CNBD1: variants seen among roughly 807,000 people sequenced by gnomAD.
The protein encoded by CNBD1 is cyclic nucleotide binding domain containing 1.
In CNBD1, 71 loss-of-function variants were observed where a neutral mutation model predicts 54.4. That is an observed-to-expected ratio of 1.30 (90% CI 1.08 to 1.59). The LOEUF (loss-of-function observed/expected upper bound fraction) is 1.59. CNBD1 is among the 40% of genes most tolerant of loss of function. The probability of loss-of-function intolerance (pLI) is 0.00; values close to 1 mark genes in which losing one functional copy is unlikely to be tolerated. For synonymous variants in CNBD1, 182 were observed against 170.7 expected (o/e 1.07, Z -0.51); for missense variants, 659 against 518.0 (o/e 1.27, Z -2.64).
At position 87,007,305 on chromosome 8, in the gene CNBD1, A is replaced by G. The variant is rs868681668; in HGVS notation, c.431+67551A>G. Among the ~76,000 whole-genome samples the G allele has an allele frequency of 2.0e-5, 3 of 152,170 alleles. No homozygotes were observed. The Middle Eastern group carries it at 0.01, about 518-fold the overall frequency. On this transcript the variant is annotated intron_variant, in intron 4 of 10. Coordinates refer to ENST00000518476, the MANE Select transcript of CNBD1 (RefSeq NM_173538.3). The stretch of plus-strand genomic sequence containing the variant: ...TAGAGAATGCCAAAATATTAATCTC[A>G]TTGGAGATTTGATCCTCAACAAACT...
chr8:87,221,826 T>C (rs1814345874), intron 5 of CNBD1, among the ~76,000 whole-genome samples: 1 of 152,138 alleles, frequency 6.6e-6, no homozygotes, highest in Admixed American at 6.6e-5. Flanking sequence ...TATTTACGTA[T>C]TTGCTTTTTT....
At chr8:87,073,313 A>G (rs990066588) in intron 4 of CNBD1, among the ~76,000 whole-genome samples, 1 of 151,998 alleles carries the variant, frequency 6.6e-6, no homozygotes, top group Non-Finnish European at 1.5e-5. Flanking sequence ...CAATTCAGCC[A>G]TTTTAGCCTC....
intron 10 of CNBD1, among the ~76,000 whole-genome samples, chr8:87,373,843 A>C (rs1406065343): frequency 1.3e-5 from 2 of 151,862 alleles, no homozygotes. Context: ...CAATATTTTT[A>C]GATAGAACCC....
intron 8 of CNBD1, among the ~76,000 whole-genome samples, chr8:87,329,628 T>C (rs892286176): frequency 6.6e-6 from 1 of 152,122 alleles, no homozygotes; most frequent in Non-Finnish European, 1.5e-5. Context: ...GTTAGATTTG[T>C]AACTGTTTCA....
intron 6 of CNBD1, among the ~76,000 whole-genome samples, chr8:87,272,751 A>C (rs115723115): frequency 6.6e-6 from 1 of 152,024 alleles, no homozygotes; most frequent in Non-Finnish European, 1.5e-5. Context: ...TGTGGTGAGC[A>C]GTTGTGTATG....
At chr8:87,256,291 G>A (rs1046448782) in intron 6 of CNBD1, among the ~76,000 whole-genome samples, 1 of 151,326 alleles carries the variant, frequency 6.6e-6, no homozygotes, top group Admixed American at 6.6e-5. Flanking sequence ...CAGAGTGCTG[G>A]TATTACAGGT....
chr8:87,274,841 G>T (rs1261798921), intron 6 of CNBD1, among the ~76,000 whole-genome samples: 2 of 134,668 alleles, frequency 1.5e-5, no homozygotes, highest in Non-Finnish European at 3.2e-5. Context: ...TGAAGTCCTT[G>T]CCCATGCCTA....
rs34526743 is a variant in CNBD1, at chr8:86,871,969, A to G, written c.88+5386A>G. On this transcript the variant is annotated intron_variant, in intron 1 of 10. Transcript: ENST00000518476. ...TCCTGTAAGAAATCTCTCAATTACT[A>G]GAGTTAAAGTACTCAGCGTAGCTCA... 7.7e-3 allele frequency among the ~76,000 whole-genome samples: 1,177 copies of G among 151,948 alleles called. 7 individuals are homozygous for G. Among genetic ancestry groups the G allele is most frequent in the Non-Finnish European group, 0.012 (835 of 68,028 alleles).
chr8:86,936,654 A>G (rs113429008), intron 3 of CNBD1, among the ~76,000 whole-genome samples: 1,959 of 151,540 alleles, frequency 0.013, 24 homozygotes, highest in South Asian at 0.032. Flanking sequence ...GAGGCAGGAG[A>G]ATGGTGTGAA....
chr8:86,979,587 A>G (rs561666525), intron 4 of CNBD1, among the ~76,000 whole-genome samples: 1 of 152,002 alleles, frequency 6.6e-6, no homozygotes, highest in African/African-American at 2.4e-5. Flanking sequence ...TTTCCAAAAA[A>G]TAAAAAAAAT....
Position 87,322,842 on chromosome 8 carries a change from C to A in CNBD1, c.1043-28843C>A, listed in dbSNP as rs1352911148. On this transcript the variant is annotated intron_variant, in intron 8 of 10. Transcript: ENST00000518476. ...CATTTGTCAATTTTGTCTTTTGTTG[C>A]CATTGCTTTTGGTGTTTTAGACATG... Among the ~76,000 whole-genome samples, 4 of 114,108 alleles carry A rather than the reference C, an allele frequency of 3.5e-5. 1 individual carries two copies. The highest frequency in any genetic ancestry group is 6.8e-5 in the African/African-American group (2 of 29,616). 74.9% of individuals were successfully genotyped at this position (114,108 alleles called of 152,430 possible).
intron 6 of CNBD1, among the ~76,000 whole-genome samples, chr8:87,250,755 G>A (rs1807899217): frequency 6.6e-6 from 1 of 152,174 alleles, no homozygotes; most frequent in Admixed American, 6.6e-5. Flanking sequence ...GCACTCAAAT[G>A]TGGGAGCTTA....
At chr8:87,187,440 G>T (rs1813503471) in intron 4 of CNBD1, among the ~76,000 whole-genome samples, 1 of 151,172 alleles carries the variant, frequency 6.6e-6, no homozygotes. Flanking sequence ...ATATGCTAAA[G>T]AGGGAATAAT....
intron 5 of CNBD1, among the ~76,000 whole-genome samples, chr8:87,229,241 C>T (rs60997513): frequency 1.4e-4 from 21 of 152,096 alleles, no homozygotes; most frequent in Admixed American, 1.3e-4. Flanking sequence ...CTGTAGACCG[C>T]AGCTGTTCCT....
At chr8:87,320,201 A>T (rs978024883) in intron 8 of CNBD1, among the ~76,000 whole-genome samples, 1 of 152,064 alleles carries the variant, frequency 6.6e-6, no homozygotes, top group Non-Finnish European at 1.5e-5. Flanking sequence ...TTAACTTTTT[A>T]TTGTTTGCCT....
At chr8:87,117,046 G>T (rs953157455) in intron 4 of CNBD1, among the ~76,000 whole-genome samples, 5 of 152,040 alleles carry the variant, frequency 3.3e-5, no homozygotes, top group Admixed American at 3.3e-4. Flanking sequence ...TAAACATCAC[G>T]AAATAAATAG....
intron 8 of CNBD1, among the ~76,000 whole-genome samples, chr8:87,298,976 A>C (rs1808934529): frequency 6.6e-6 from 1 of 152,226 alleles, no homozygotes; most frequent in African/African-American, 2.4e-5. Context: ...AACGTTTACC[A>C]TTCCAAGATT....
chr8:87,418,053 A>T (rs1042222862), intron 2 of CNBD1, among the ~76,000 whole-genome samples: 2 of 151,900 alleles, frequency 1.3e-5, no homozygotes, highest in African/African-American at 4.8e-5. Context: ...TGATAAACTA[A>T]TCTTAAAATC....
chr8:87,247,996 C>A (rs1403509285), intron 6 of CNBD1, among the ~76,000 whole-genome samples: 1 of 152,172 alleles, frequency 6.6e-6, no homozygotes, highest in East Asian at 1.9e-4. Context: ...GCCACTTCAT[C>A]CATGCATACT....
Sources: allele counts gnomAD v4.1 joint callset (sites outside exome capture counted in the v4.1 genomes callset), GRCh38; gene constraint gnomAD v4.1.1; transcripts MANE v1.5; gene names NCBI Gene and HGNC (gene_info 2026-07-23, HGNC 2026-07-21).